SFI1: variants seen among roughly 807,000 people sequenced by gnomAD.
The protein encoded by SFI1 is SFI1 centrin binding protein.
A neutral mutation model predicts 207.5 loss-of-function variants in SFI1; 195 were observed. The observed-to-expected ratio is 0.94, with a 90% CI of 0.84 to 1.06. The LOEUF (loss-of-function observed/expected upper bound fraction) is 1.06, where lower values mean the gene tolerates loss of function less well. Among genes scored for constraint, SFI1 ranks in the 50% least tolerant of loss-of-function variants. SFI1 has a pLI of 0.00. For missense variants in SFI1, 1,634 were observed against 1,588.0 expected, an observed-to-expected ratio of 1.03 and a Z score of -0.49; for synonymous variants, 630 against 598.9, an observed-to-expected ratio of 1.05 and a Z score of -0.76.
intron 14 of SFI1, among the ~76,000 whole-genome samples, chr22:31,588,444 C>T (rs1265486739): frequency 1.3e-5 from 2 of 152,196 alleles, no homozygotes; most frequent in African/African-American, 4.8e-5. Context: ...CTATCCCAGC[C>T]AGATTCAAGG....
intron 4 of SFI1, among the ~76,000 whole-genome samples, chr22:31,540,342 G>A (rs1312055157): frequency 6.6e-6 from 1 of 150,592 alleles, no homozygotes; most frequent in African/African-American, 2.5e-5. Context: ...AGAGTGCAGT[G>A]GCGCAATTGA....
In SFI1 at chr22:31,618,585, C is replaced by G. The variant is rs2072251941; in HGVS notation, c.*167C>G. 1.6e-6 allele frequency: 1 copy of G among 625,592 alleles called. No homozygotes were observed. 38.8% of individuals were successfully genotyped at this position (625,592 alleles called of 1,614,324 possible). The stretch of plus-strand genomic sequence containing the variant: ...CTTTTCATACAAAAATACTGTGCTA[C>G]TGATACAGTTGAAAAAATTCAATGA... On this transcript the variant is annotated 3_prime_UTR_variant, in exon 33 of 33. Transcript: ENST00000400288.
chr22:31,604,975 A>G, intron 20 of SFI1, 30 bp downstream of exon 20: 1 of 1,561,396 alleles, frequency 6.4e-7, no homozygotes, highest in African/African-American at 1.4e-5. Context: ...CCCAAGCTCC[A>G]GCTGGGGAAC....
At position 31,542,101 on chromosome 22, in the gene SFI1, T is replaced by TAAA. The variant is rs10651316; in HGVS notation, c.339-4743_339-4741dup. On this transcript the variant is annotated intron_variant, in intron 4 of 32. Transcript: ENST00000400288. ...GGGTGACAGAGTGAGACCCCGTCTT[T>TAAA]AAAAAAAAAAAAAAAAAAAGAAATG... Among the ~76,000 whole-genome samples the TAAA allele has an allele frequency of 5.0e-3, 574 of 114,404 alleles. 4 individuals are homozygous for TAAA. The highest frequency in any genetic ancestry group is 6.8e-3 in the Admixed American group (67 of 9,850). 75.1% of individuals were successfully genotyped at this position (114,404 alleles called of 152,430 possible).
chr22:31,557,195 T>C, intron 7 of SFI1, 136 bp downstream of exon 7: 1 of 623,994 alleles, frequency 1.6e-6, no homozygotes. Context: ...TTTGTTTTTT[T>C]CGAGATAGGG....
At chr22:31,575,895 G>A (rs2063428097) in intron 10 of SFI1, among the ~76,000 whole-genome samples, 1 of 152,176 alleles carries the variant, frequency 6.6e-6, no homozygotes, top group Admixed American at 6.6e-5. Context: ...CAACGCTGTG[G>A]AGTAGGTGCC....
intron 10 of SFI1, among the ~76,000 whole-genome samples, chr22:31,577,249 A>G (rs1286629848): frequency 1.3e-5 from 2 of 152,226 alleles, no homozygotes; most frequent in Non-Finnish European, 2.9e-5. Context: ...AGTCTAAGTC[A>G]TAGGAGATGA....
intron 2 of SFI1, among the ~76,000 whole-genome samples, chr22:31,514,894 CTT>C (rs2056267318): frequency 6.6e-6 from 1 of 151,902 alleles, no homozygotes; most frequent in Non-Finnish European, 1.5e-5. Context: ...GCCTCAGCCT[CTT>C]GAGTAGTTGG....
intron 8 of SFI1, 60 bp from the exon 9 acceptor site, chr22:31,572,998 C>A: frequency 6.4e-7 from 1 of 1,564,344 alleles, no homozygotes; most frequent in Non-Finnish European, 8.7e-7. Context: ...CCCTCTCCAC[C>A]TGTACTTCAC....
Position 31,615,107 on chromosome 22 carries a change from C to G in SFI1, c.3128C>G (p.Thr1043Arg). 6.2e-7 allele frequency: 1 copy of G among 1,606,170 alleles called. No individual in the cohort carries two copies. ...GCTCAGCCAGCAGCCCCCTCCCTGA[C>G]GCGGCCCTTCCTGGCAGAGGCCCCG... ...GMAQPAAPSL[T>R]RPFLAEAPTA... Residue 1043 changes from threonine to arginine, a missense_variant, in exon 29 of 33, where the codon ACG becomes AGG. By Grantham distance (71) the Thr-to-Arg change is moderately conservative. Coordinates refer to ENST00000400288, the MANE Select transcript of SFI1 (RefSeq NM_001007467.3).
chr22:31,525,657 C>T (rs1256610150), intron 2 of SFI1, among the ~76,000 whole-genome samples: 1 of 152,028 alleles, frequency 6.6e-6, no homozygotes, highest in Admixed American at 6.6e-5. Context: ...GTCAAGGATG[C>T]AGTGAGCCGT....
intron 31 of SFI1, 152 bp from the exon 32 acceptor site, chr22:31,617,963 G>GC (rs1388592533): frequency 2.5e-6 from 2 of 793,024 alleles, no homozygotes; most frequent in African/African-American, 3.5e-5. Context: ...TGGCTCCCAA[G>GC]CAGGGGCCTG....
intron 14 of SFI1, among the ~76,000 whole-genome samples, chr22:31,586,598 T>G (rs2065056507): frequency 6.6e-6 from 1 of 152,258 alleles, no homozygotes. Context: ...CTTTGGATTA[T>G]GTTACTGGCT....
rs1290172958 is a variant in SFI1 at position 31,616,793 on chromosome 22, T to A, written c.3349T>A (p.Ser1117Thr). The change falls in exon 30 of 33, where the codon TCC (serine) becomes ACC (threonine). Residue 1117 changes from serine to threonine, a missense_variant. Coordinates refer to ENST00000400288, the MANE Select transcript of SFI1 (RefSeq NM_001007467.3). The stretch of plus-strand genomic sequence containing the variant: ...TAGGGATAAGCCCCCGGTCCCCTCA[T>A]CCCTGGCCAGTGTCCCTGACCCCCA... ...TPRDKPPVPSSLASVPDPHLL... is the reference protein window; with the variant it reads ...TPRDKPPVPSTLASVPDPHLL... The A allele has an allele frequency of 6.2e-7, 1 of 1,610,350 alleles. No homozygotes were observed. Among genetic ancestry groups the A allele is most frequent in the South Asian group, 1.1e-5 (1 of 90,404 alleles).
chr22:31,556,910 T>C (rs775478755), intron 6 of SFI1, 32 bp from the exon 7 acceptor site: 5 of 1,477,238 alleles, frequency 3.4e-6, no homozygotes, highest in Non-Finnish European at 4.7e-6. Context: ...TCTCTCCCCA[T>C]GCCTTTTGAA....
Position 31,539,963 on chromosome 22 carries a change from TACCTCGGCCTCC to T in SFI1, c.339-6897_339-6886del, listed in dbSNP as rs561010895. ...ACTCCTGACTTCAGGTGATCTGCCT[TACCTCGGCCTCC>T]CAAAGTGCTGGGATTACAGGTGTGA... On this transcript the variant is annotated intron_variant, in intron 4 of 32. Coordinates refer to ENST00000400288, the MANE Select transcript of SFI1 (RefSeq NM_001007467.3). Among the ~76,000 whole-genome samples, 639 of 152,124 alleles carry T rather than the reference TACCTCGGCCTCC, an allele frequency of 4.2e-3. 2 individuals are homozygous for T. Among genetic ancestry groups the T allele is most frequent in the African/African-American group, 0.015 (604 of 41,536 alleles).
chr22:31,555,343 G>A (rs2061061624), intron 6 of SFI1, among the ~76,000 whole-genome samples: 1 of 152,100 alleles, frequency 6.6e-6, no homozygotes, highest in South Asian at 2.1e-4. Flanking sequence ...ACAAAAATTA[G>A]CCAGGTGTGG....
chr22:31,589,369 C>T (rs2065507899), intron 14 of SFI1, 78 bp from the exon 15 acceptor site: 4 of 1,281,422 alleles, frequency 3.1e-6, no homozygotes, highest in African/African-American at 1.5e-5. Context: ...GCAATCCTCC[C>T]ACAAGGGTGT....
At chr22:31,602,971 G>A (rs1439877951) in intron 17 of SFI1, among the ~76,000 whole-genome samples, 186 bp downstream of exon 17, 1 of 152,200 alleles carries the variant, frequency 6.6e-6, no homozygotes, top group African/African-American at 2.4e-5. Flanking sequence ...AGTGGCTCAC[G>A]CCTGTAATCC....
Sources: gnomAD v4.1 joint callset for allele counts (sites outside exome capture counted in the v4.1 genomes callset) on GRCh38, gnomAD v4.1.1 for gene constraint, MANE v1.5 for transcripts, NCBI Gene and HGNC (gene_info 2026-07-23, HGNC 2026-07-21) for gene names.